Variants in PTPRO observed in about 807,000 individuals in gnomAD.
The protein encoded by PTPRO is receptor-type tyrosine-protein phosphatase O.
In PTPRO, 62 loss-of-function variants were observed where a neutral mutation model predicts 145.2. The observed-to-expected ratio is 0.43, with a 90% CI of 0.35 to 0.53. PTPRO has a LOEUF of 0.53. PTPRO is among the 20% of genes least tolerant of loss of function. PTPRO has a pLI of 0.01. For missense variants in PTPRO, 1,345 were observed against 1,482.7 expected (o/e 0.91, Z 1.53); for synonymous variants, 565 against 514.7 (o/e 1.10, Z -1.32).
intron 1 of PTPRO, among the ~76,000 whole-genome samples, chr12:15,455,190 C>CT (rs1243819311): frequency 6.6e-6 from 1 of 152,128 alleles, no homozygotes; most frequent in Non-Finnish European, 1.5e-5. Context: ...CTCCTCCTCT[C>CT]TTTTCACTGC....
At chr12:15,350,627 A>ATTTT (rs2136230471) in intron 1 of PTPRO, among the ~76,000 whole-genome samples, 1 of 152,330 alleles carries the variant, frequency 6.6e-6, no homozygotes, top group South Asian at 2.1e-4. Context: ...TCTAGACAAA[A>ATTTT]TAATTGCTAT....
At chr12:15,547,352 CTA>C (rs1244000028) in intron 13 of PTPRO, among the ~76,000 whole-genome samples, 2 of 152,144 alleles carry the variant, frequency 1.3e-5, no homozygotes, top group Non-Finnish European at 2.9e-5. Context: ...ACCTGCAGTT[CTA>C]TGAGTGGCAA....
intron 1 of PTPRO, among the ~76,000 whole-genome samples, chr12:15,354,322 A>G (rs1937915086): frequency 6.6e-6 from 1 of 152,218 alleles, no homozygotes; most frequent in Non-Finnish European, 1.5e-5. Flanking sequence ...AAGCTTCACC[A>G]TAAATGTGAT....
At chr12:15,540,916 G>A (rs750229255) in intron 12 of PTPRO, among the ~76,000 whole-genome samples, 3 of 152,140 alleles carry the variant, frequency 2.0e-5, no homozygotes, top group Non-Finnish European at 2.9e-5. Context: ...GTCCAAACCC[G>A]GAGAGGCATG....
intron 1 of PTPRO, among the ~76,000 whole-genome samples, chr12:15,459,413 C>T (rs1385522203): frequency 6.6e-6 from 1 of 152,192 alleles, no homozygotes; most frequent in East Asian, 1.9e-4. Context: ...ATGTTGAACA[C>T]ATAATGTAGT....
At chr12:15,547,968 A>G (rs1943339183) in intron 13 of PTPRO, among the ~76,000 whole-genome samples, 1 of 152,192 alleles carries the variant, frequency 6.6e-6, no homozygotes, top group South Asian at 2.1e-4. Context: ...CAAGTTAGCA[A>G]CTTCTTTGAC....
chr12:15,461,387 A>C (rs558434894), intron 1 of PTPRO, among the ~76,000 whole-genome samples: 22 of 152,230 alleles, frequency 1.4e-4, no homozygotes, highest in Middle Eastern at 6.8e-3. Flanking sequence ...GGTGAACCAC[A>C]ACCACCTTGG....
chr12:15,400,338 A>G (rs904573778), intron 1 of PTPRO, among the ~76,000 whole-genome samples: 1 of 152,038 alleles, frequency 6.6e-6, no homozygotes, highest in African/African-American at 2.4e-5. Flanking sequence ...AAGACCTACA[A>G]AACCCTGTGT....
At chr12:15,354,900 C>T (rs188441227) in intron 1 of PTPRO, among the ~76,000 whole-genome samples, 90 of 152,132 alleles carry the variant, frequency 5.9e-4, no homozygotes, top group Non-Finnish European at 6.8e-4. Flanking sequence ...ATATTTTTAC[C>T]GTATTTTATA....
At chr12:15,493,520 A>G (rs1431139253) in intron 2 of PTPRO, among the ~76,000 whole-genome samples, 3 of 152,154 alleles carry the variant, frequency 2.0e-5, no homozygotes, top group African/African-American at 7.2e-5. Context: ...ATTCTAAGAA[A>G]AGGAAAGCTG....
intron 24 of PTPRO, 26 bp from the exon 25 acceptor site, chr12:15,589,429 T>C: frequency 1.9e-6 from 3 of 1,613,164 alleles, no homozygotes; most frequent in Non-Finnish European, 2.5e-6. Context: ...ATCTGAATAA[T>C]ATGCCATCGG....
rs189537944 is a variant in PTPRO, at chr12:15,461,029, G to T, written c.76-22945G>T. ...CCAGTTCTTGTCATGACAGGAAGCT[G>T]GAGGTCAGACATGCCTCACTCTACC... is the stretch of plus-strand genomic sequence containing the variant. On this transcript the variant is annotated intron_variant, in intron 1 of 26. Transcript: ENST00000281171. Among the ~76,000 whole-genome samples, 5 of 152,234 alleles carry T rather than the reference G, an allele frequency of 3.3e-5. No individual in the cohort carries two copies. The East Asian group carries it at 9.6e-4, about 29-fold the overall frequency.
chr12:15,489,791 G>A (rs1414227552), intron 2 of PTPRO, among the ~76,000 whole-genome samples: 1 of 152,160 alleles, frequency 6.6e-6, no homozygotes, highest in East Asian at 1.9e-4. Flanking sequence ...AAAGAATTAT[G>A]TGAAAGAGAC....
intron 1 of PTPRO, among the ~76,000 whole-genome samples, chr12:15,358,788 TTGTCAG>T (rs1396060900): frequency 6.6e-6 from 1 of 152,212 alleles, no homozygotes; most frequent in African/African-American, 2.4e-5. Flanking sequence ...TGAACAGAAG[TTGTCAG>T]TGGCAGGTAC....
intron 22 of PTPRO, among the ~76,000 whole-genome samples, chr12:15,581,272 A>C (rs912727394): frequency 6.6e-6 from 1 of 151,424 alleles, no homozygotes; most frequent in East Asian, 2.0e-4. Flanking sequence ...CATTCCTGGA[A>C]CAATGTTATG....
At chr12:15,356,428 T>A (rs1299752985) in intron 1 of PTPRO, among the ~76,000 whole-genome samples, 1 of 152,202 alleles carries the variant, frequency 6.6e-6, no homozygotes, top group African/African-American at 2.4e-5. Flanking sequence ...AAATATCTCA[T>A]ATTTGCTGAT....
At chr12:15,508,406 G>A (rs543361658) in intron 6 of PTPRO, among the ~76,000 whole-genome samples, 165 bp from the exon 7 acceptor site, 1 of 152,258 alleles carries the variant, frequency 6.6e-6, no homozygotes, top group Non-Finnish European at 1.5e-5. Flanking sequence ...AGGAGTAGAG[G>A]GTTGCAGCTG....
intron 17 of PTPRO, 93 bp downstream of exon 17, chr12:15,560,369 G>A (rs1263161275): frequency 1.1e-6 from 1 of 928,994 alleles, no homozygotes; most frequent in African/African-American, 1.6e-5. Flanking sequence ...TAACTATTTT[G>A]TATGTTCAGT....
intron 1 of PTPRO, among the ~76,000 whole-genome samples, chr12:15,336,132 A>G (rs1211101657): frequency 6.6e-6 from 1 of 152,180 alleles, no homozygotes; most frequent in Admixed American, 6.5e-5. Context: ...GCAGAAAAAG[A>G]ATATCATCAT....
Sources: gnomAD v4.1 joint callset for allele counts (sites outside exome capture counted in the v4.1 genomes callset) on GRCh38, gnomAD v4.1.1 for gene constraint, MANE v1.5 for transcripts, NCBI Gene and HGNC (gene_info 2026-07-23, HGNC 2026-07-21) for gene names.